The following RBBP8 variants were observed in gnomAD, a reference collection of about 807,000 sequenced individuals.
RBBP8 encodes DNA endonuclease RBBP8.
RBBP8 carries 88 observed loss-of-function variants against 108.3 expected under a neutral mutation model. That is an observed-to-expected ratio of 0.81 (90% CI 0.68 to 0.97). The LOEUF is 0.97. Ranked by LOEUF, RBBP8 falls within the 50% of genes least tolerant of loss-of-function variation. The pLI, the probability that RBBP8 is intolerant of heterozygous loss-of-function variation, is 0.00. For missense variants in RBBP8, 1,023 were observed against 1,049.0 expected (o/e 0.98, Z 0.34); for synonymous variants, 332 against 348.2 (o/e 0.95, Z 0.52).
chr18:22,962,132 C>A (rs1401599377), intron 4 of RBBP8, among the ~76,000 whole-genome samples: 1 of 152,064 alleles, frequency 6.6e-6, no homozygotes, highest in Non-Finnish European at 1.5e-5. Context: ...AATTGCTGCC[C>A]ATTGGTCCTA....
At chr18:22,934,622 A>G (rs1026035252) in intron 1 of RBBP8, 2 of 152,026 alleles carry the variant, frequency 1.3e-5, no homozygotes, top group African/African-American at 2.4e-5. Flanking sequence ...TGCTGCACCC[A>G]TTAACTCGTC....
chr18:23,001,052 G>A (rs1340305477), intron 14 of RBBP8, among the ~76,000 whole-genome samples: 2 of 152,104 alleles, frequency 1.3e-5, no homozygotes, highest in Non-Finnish European at 2.9e-5. Flanking sequence ...TTCACCAAAA[G>A]AACACTCTTC....
chr18:22,983,040 G>GT (rs1208487942), intron 7 of RBBP8, among the ~76,000 whole-genome samples: 1 of 152,150 alleles, frequency 6.6e-6, no homozygotes, highest in Non-Finnish European at 1.5e-5. Context: ...TCAAGAAATG[G>GT]TGTTATAATA....
chr18:22,955,969 A>T (rs1282922686), intron 4 of RBBP8, among the ~76,000 whole-genome samples: 2 of 152,208 alleles, frequency 1.3e-5, no homozygotes, highest in Non-Finnish European at 2.9e-5. Context: ...TTAATGTTAT[A>T]TAAATTAATT....
intron 4 of RBBP8, chr18:22,949,927 T>C (rs1258325362): frequency 2.0e-6 from 1 of 490,586 alleles, no homozygotes. Context: ...ATGATATCTT[T>C]ATCTGGTGTT....
At chr18:22,960,930 A>G (rs1197377218) in intron 4 of RBBP8, among the ~76,000 whole-genome samples, 2 of 152,242 alleles carry the variant, frequency 1.3e-5, no homozygotes, top group African/African-American at 2.4e-5. Context: ...GTTCCTTTGT[A>G]TAAAATGATC....
chr18:22,925,290 C>G (rs1177868276), intron 3 of RBBP8, among the ~76,000 whole-genome samples: 1 of 152,190 alleles, frequency 6.6e-6, no homozygotes, highest in African/African-American at 2.4e-5. Context: ...CTGATTATAA[C>G]TTACATAAAA....
intron 15 of RBBP8, among the ~76,000 whole-genome samples, chr18:23,005,831 A>G (rs1457643733): frequency 1.3e-5 from 2 of 152,178 alleles, no homozygotes; most frequent in Non-Finnish European, 2.9e-5. Flanking sequence ...TTAGCTGTCT[A>G]GTAATTTTGA....
intron 18 of RBBP8, among the ~76,000 whole-genome samples, chr18:23,022,809 T>G (rs987247100): frequency 1.3e-5 from 2 of 151,804 alleles, no homozygotes; most frequent in South Asian, 4.2e-4. Context: ...TTATTTGGAA[T>G]TAGAGATTGG....
At chr18:22,955,102 T>A (rs1378652633) in intron 4 of RBBP8, among the ~76,000 whole-genome samples, 1 of 152,238 alleles carries the variant, frequency 6.6e-6, no homozygotes, top group Non-Finnish European at 1.5e-5. Flanking sequence ...CTCTTTAAGA[T>A]CTATTCTACC....
chr18:22,950,286 A>G (rs1450824340), intron 4 of RBBP8, among the ~76,000 whole-genome samples: 1 of 152,190 alleles, frequency 6.6e-6, no homozygotes, highest in Non-Finnish European at 1.5e-5. Flanking sequence ...CCTACCTGCT[A>G]TAGTAAACAA....
chr18:22,972,910 C>G (rs1224458007), intron 5 of RBBP8, among the ~76,000 whole-genome samples: 1 of 152,180 alleles, frequency 6.6e-6, no homozygotes, highest in Non-Finnish European at 1.5e-5. Context: ...GGACCCTACT[C>G]TAATGACTGA....
intron 7 of RBBP8, among the ~76,000 whole-genome samples, chr18:22,984,135 T>G (rs1915157461): frequency 2.0e-5 from 3 of 152,182 alleles, no homozygotes; most frequent in Non-Finnish European, 4.4e-5. Context: ...ATTAGTCCTG[T>G]TCTCTAACTT....
chr18:22,915,574 T>C (rs1404026153), intron 2 of RBBP8: 1 of 152,144 alleles, frequency 6.6e-6, no homozygotes, highest in Non-Finnish European at 1.5e-5. Context: ...CAGCACAAAT[T>C]GTATTTTGAC....
At chr18:22,932,889 G>A (rs897429785), upstream of RBBP8, among the ~76,000 whole-genome samples, 28 of 152,160 alleles carry the variant, frequency 1.8e-4, no homozygotes, top group Non-Finnish European at 1.5e-5. Flanking sequence ...TTTGATCTAT[G>A]GCGTTACCGC....
chr18:22,970,877 A>G (rs549935100), intron 5 of RBBP8, among the ~76,000 whole-genome samples: 8 of 152,154 alleles, frequency 5.3e-5, no homozygotes, highest in Non-Finnish European at 1.0e-4. Context: ...GAAGTTTTGT[A>G]TATTTTCTTA....
chr18:23,009,864 C>T lies in RBBP8; in HGVS notation c.2357+3432C>T, dbSNP rs1379344188. On this transcript the variant is annotated intron_variant, in intron 16 of 18. Coordinates refer to ENST00000327155, the MANE Select transcript of RBBP8 (RefSeq NM_002894.3). The stretch of plus-strand genomic sequence containing the variant: ...GCAACCTCCACCTCCTGGGTTCAAG[C>T]GATTCTCCTGCCTCAGCCTCCCGAG... Among the ~76,000 whole-genome samples the T allele has an allele frequency of 6.6e-5, 10 of 152,334 alleles. No homozygotes were observed. In the East Asian group the frequency reaches 1.9e-3, roughly 29 times the overall value.
intron 4 of RBBP8, among the ~76,000 whole-genome samples, chr18:22,957,937 T>C (rs1437692237): frequency 1.3e-5 from 2 of 152,222 alleles, no homozygotes; most frequent in East Asian, 3.8e-4. Context: ...GTTATTGTTT[T>C]AGCTCTTCTA....
intron 18 of RBBP8, among the ~76,000 whole-genome samples, chr18:23,025,784 A>C (rs961075132): frequency 6.6e-6 from 1 of 152,222 alleles, no homozygotes; most frequent in South Asian, 2.1e-4. Flanking sequence ...GGAATAAGAA[A>C]GAGCTTGGGC....
Sources: gnomAD v4.1 joint callset for allele counts (sites outside exome capture counted in the v4.1 genomes callset) on GRCh38, gnomAD v4.1.1 for gene constraint, MANE v1.5 for transcripts, NCBI Gene and HGNC (gene_info 2026-07-23, HGNC 2026-07-21) for gene names.